Variants in DNAH11 observed in about 807,000 individuals in gnomAD.
DNAH11 encodes the protein axonemal beta dynein heavy chain 11.
A neutral mutation model predicts 526.0 loss-of-function variants in DNAH11; 442 were observed. The observed-to-expected ratio is 0.84, with a 90% CI of 0.78 to 0.91. The LOEUF is 0.91. Among genes scored for constraint, DNAH11 ranks in the 40% least tolerant of loss-of-function variants. DNAH11 has a pLI of 0.00. For missense variants in DNAH11, 6,989 were observed against 5,448.7 expected (o/e 1.28, Z -8.90); for synonymous variants, 2,461 against 1,935.9 (o/e 1.27, Z -7.12).
chr7:21,617,784 A>G lies in DNAH11; in HGVS notation c.4254+7A>G, dbSNP rs2128453164. The G allele has an allele frequency of 6.4e-7, 1 of 1,574,276 alleles. No homozygotes were observed. The highest frequency in any genetic ancestry group is 1.4e-5 in the African/African-American group (1 of 73,216). The stretch of plus-strand genomic sequence containing the variant: ...GCTGATGAAAGCTATTGGGGTCAGT[A>G]TCCTTGGTCTCACTAATGAACCTTT... On this transcript the variant is annotated splice_region_variant and intron_variant, in intron 23 of 81. Coordinates refer to ENST00000409508, the MANE Select transcript of DNAH11 (RefSeq NM_001277115.2).
chr7:21,774,371 C>G lies in DNAH11; in HGVS notation c.9336+372C>G, dbSNP rs374760787. Among the ~76,000 whole-genome samples, 13 of 152,206 alleles carry G rather than the reference C, an allele frequency of 8.5e-5. No homozygotes were observed. The East Asian group carries it at 1.4e-3, about 16-fold the overall frequency. On this transcript the variant is annotated intron_variant, in intron 56 of 81. Transcript: ENST00000409508. Reference sequence around the variant, plus strand: ...TTTTTTGGTCTCAGATTCTCAACCTCCAGTGAGGGCATCATTTTCTGGCTA... The same window carrying G: ...TTTTTTGGTCTCAGATTCTCAACCTGCAGTGAGGGCATCATTTTCTGGCTA...
chr7:21,769,932 G>C (rs10085864), intron 55 of DNAH11, among the ~76,000 whole-genome samples: 1 of 152,042 alleles, frequency 6.6e-6, no homozygotes, highest in Non-Finnish European at 1.5e-5. Flanking sequence ...TCTTGCCTCT[G>C]ACCAGTAGTT....
chr7:21,735,945 A>G, intron 46 of DNAH11, 101 bp downstream of exon 46: 2 of 1,129,382 alleles, frequency 1.8e-6, no homozygotes, highest in Non-Finnish European at 2.5e-6. Flanking sequence ...TAGAATTTAG[A>G]GTTGTTGCTT....
chr7:21,800,347 A>G (rs7789491), intron 61 of DNAH11, among the ~76,000 whole-genome samples: 4,168 of 152,234 alleles, frequency 0.027, 197 homozygotes, highest in African/African-American at 0.095. Context: ...AGAGAAAAAT[A>G]TGGGTCAGGC....
intron 50 of DNAH11, 103 bp downstream of exon 50, chr7:21,744,702 T>C: frequency 1.3e-6 from 2 of 1,486,778 alleles, no homozygotes; most frequent in Non-Finnish European, 1.8e-6. Context: ...GGGCTTACCT[T>C]TTTGCAATGG....
At chr7:21,740,279 A>G (rs1049670554) in intron 48 of DNAH11, among the ~76,000 whole-genome samples, 2 of 152,126 alleles carry the variant, frequency 1.3e-5, no homozygotes, top group Non-Finnish European at 2.9e-5. Flanking sequence ...CAGTTCAGTA[A>G]TATTAACTAC....
chr7:21,729,716 C>T (rs74584417), intron 45 of DNAH11, among the ~76,000 whole-genome samples: 1 of 19,534 alleles, frequency 5.1e-5, no homozygotes, highest in Non-Finnish European at 1.5e-4. Context: ...TGAGGTCTCA[C>T]CAGAACCATC....
At chr7:21,603,302 A>G (rs62447776) in intron 18 of DNAH11, among the ~76,000 whole-genome samples, 24,549 of 151,984 alleles carry the variant, frequency 0.16, 2,069 homozygotes, top group East Asian at 0.21. Flanking sequence ...TGGCTTATCC[A>G]CTCGTCTGTC....
chr7:21,786,494 A>C (rs1232652968), intron 58 of DNAH11, 130 bp from the exon 59 acceptor site: 1 of 1,215,912 alleles, frequency 8.2e-7, no homozygotes, highest in East Asian at 2.5e-5. Context: ...GTGGCAAAGA[A>C]TTGCCAAATT....
chr7:21,773,618 C>A, intron 55 of DNAH11, 148 bp from the exon 56 acceptor site: 1 of 615,518 alleles, frequency 1.6e-6, no homozygotes, highest in Non-Finnish European at 2.7e-6. Context: ...CTGTGGATAG[C>A]GCTTAAAGAT....
intron 66 of DNAH11, among the ~76,000 whole-genome samples, chr7:21,844,089 C>A (rs911523562): frequency 8.5e-5 from 13 of 152,104 alleles, no homozygotes; most frequent in Middle Eastern, 3.2e-3. Flanking sequence ...CCTAATTTGG[C>A]CTGCCACCTC....
intron 25 of DNAH11, among the ~76,000 whole-genome samples, chr7:21,620,534 G>A (rs1785998200): frequency 6.6e-6 from 1 of 152,084 alleles, no homozygotes; most frequent in African/African-American, 2.4e-5. Context: ...GGTCATCCAT[G>A]TTGTTGCAAA....
At position 21,901,462 on chromosome 7, in the gene DNAH11, T is replaced by A. The variant is rs1214390046; in HGVS notation, c.*208T>A. 6 of 593,250 alleles carry A rather than the reference T, an allele frequency of 1.0e-5. No homozygotes were observed. In the East Asian group the frequency reaches 2.4e-4, roughly 24 times the overall value. 36.7% of individuals were successfully genotyped at this position (593,250 alleles called of 1,614,324 possible). A position where few individuals can be genotyped will look rare whatever the true frequency, so the allele number is the denominator to read the frequency against. On this transcript the variant is annotated 3_prime_UTR_variant, in exon 82 of 82. Coordinates refer to ENST00000409508, the MANE Select transcript of DNAH11 (RefSeq NM_001277115.2). ...TGGTGGCACACGACTGTAATCCCAG[T>A]TACTCAGGAGGTAGGAGAATCACTT...
chr7:21,647,339 T>G lies in DNAH11; in HGVS notation c.4944+8274T>G, dbSNP rs146936327. Among the ~76,000 whole-genome samples the G allele has an allele frequency of 3.9e-3, 592 of 151,448 alleles. 2 individuals carry two copies. Among genetic ancestry groups the G allele is most frequent in the Non-Finnish European group, 5.4e-3 (364 of 67,882 alleles). On this transcript the variant is annotated intron_variant, in intron 28 of 81. Coordinates refer to ENST00000409508, the MANE Select transcript of DNAH11 (RefSeq NM_001277115.2). ...AAATCATCCATAAAGCCATATTTTA[T>G]ACAAATGAACAAACATAAGGATGAC... is the stretch of plus-strand genomic sequence containing the variant.
chr7:21,555,389 C>T (rs1339680871), intron 2 of DNAH11, among the ~76,000 whole-genome samples: 1 of 152,210 alleles, frequency 6.6e-6, no homozygotes, highest in Non-Finnish European at 1.5e-5. Context: ...TTGGCTCCCT[C>T]TTTCCTTTGG....
chr7:21,709,375 G>A (rs1784380429), intron 40 of DNAH11, among the ~76,000 whole-genome samples: 1 of 152,098 alleles, frequency 6.6e-6, no homozygotes. Context: ...TAAACATTGG[G>A]TACATGTGGA....
intron 76 of DNAH11, among the ~76,000 whole-genome samples, chr7:21,886,996 G>A (rs1784146961): frequency 6.6e-6 from 1 of 152,154 alleles, no homozygotes; most frequent in Admixed American, 6.5e-5. Flanking sequence ...TTGTTCTCAT[G>A]CACGTTTCTC....
At chr7:21,576,486 T>C (rs1320081156) in intron 8 of DNAH11, among the ~76,000 whole-genome samples, 2 of 152,190 alleles carry the variant, frequency 1.3e-5, no homozygotes, top group African/African-American at 4.8e-5. Flanking sequence ...TAAACTCTGA[T>C]AGAGGGTATG....
intron 66 of DNAH11, among the ~76,000 whole-genome samples, chr7:21,849,421 T>C (rs1782540190): frequency 6.6e-6 from 1 of 152,258 alleles, no homozygotes. Context: ...TTTCATTCTT[T>C]ACATAGATGT....
Sources: gnomAD v4.1 joint callset for allele counts (sites outside exome capture counted in the v4.1 genomes callset) on GRCh38, gnomAD v4.1.1 for gene constraint, MANE v1.5 for transcripts, NCBI Gene and HGNC (gene_info 2026-07-23, HGNC 2026-07-21) for gene names.